Variants in THBS4 observed in about 807,000 individuals in gnomAD.
The protein encoded by THBS4 is thrombospondin 4, also known as thrombospondin-4.
A neutral mutation model predicts 115.7 loss-of-function variants in THBS4; 90 were observed. The observed-to-expected ratio is 0.78, with a 90% CI of 0.66 to 0.93. THBS4 has a LOEUF of 0.93. Ranked by LOEUF, THBS4 falls within the 40% of genes least tolerant of loss-of-function variation. The probability of loss-of-function intolerance (pLI) is 0.00; values close to 1 mark genes in which losing one functional copy is unlikely to be tolerated. For synonymous variants in THBS4, 460 were observed against 479.3 expected, an observed-to-expected ratio of 0.96 and a Z score of 0.53; for missense variants, 1,087 against 1,232.7, an observed-to-expected ratio of 0.88 and a Z score of 1.77.
At position 80,059,491 on chromosome 5, in the gene THBS4, G is replaced by A. The variant is rs762503087; in HGVS notation, c.784G>A (p.Gly262Ser). 30 of 1,613,874 alleles carry A rather than the reference G, an allele frequency of 1.9e-5. No individual in the cohort carries two copies. Among genetic ancestry groups the A allele is most frequent in the East Asian group, 6.7e-5 (3 of 44,880 alleles). ...RNTIAECQAC[G>S]PLKFQSPTPS... is the part of the protein sequence containing the mutation. ...CACCATAGCTGAATGCCAGGCTTGC[G>A]GTAAGTGCTTTTCTAGTAATGGGCT... Residue 262 changes from glycine (G) to serine (S), a missense_variant and splice_region_variant, in exon 6 of 22, where the codon GGT becomes AGT. By Grantham distance (56) the Gly-to-Ser change is moderately conservative. Coordinates refer to ENST00000350881, the MANE Select transcript of THBS4 (RefSeq NM_003248.6).
chr5:80,041,753 A>G (rs1326773698), intron 2 of THBS4, among the ~76,000 whole-genome samples: 2 of 152,150 alleles, frequency 1.3e-5, no homozygotes, highest in Non-Finnish European at 2.9e-5. Flanking sequence ...CCTGTTTATT[A>G]AGGAATGTGA....
At position 80,072,344 on chromosome 5, in the gene THBS4, ATGGTGT is replaced by A; in HGVS notation, c.1788_1793del (p.Asp596_Val598delinsGlu). On this transcript the variant is annotated inframe_deletion, in exon 14 of 22. Transcript: ENST00000350881. ...CGTGACCAACGGGACAAGGATGGTG[ATGGTGT>A]GGGGGATGCCTGTGACAGTTGTCCT... is the stretch of plus-strand genomic sequence containing the variant. The A allele has an allele frequency of 6.2e-7, 1 of 1,614,190 alleles. No homozygotes were observed. Among genetic ancestry groups the A allele is most frequent in the South Asian group, 1.1e-5 (1 of 91,080 alleles).
At chr5:80,014,193 AAG>A (rs1400845410) in intron 2 of THBS4, among the ~76,000 whole-genome samples, 7 of 152,354 alleles carry the variant, frequency 4.6e-5, no homozygotes, top group Non-Finnish European at 8.8e-5. Context: ...CTAACCAGGA[AAG>A]AGATAACGTC....
At position 80,068,014 on chromosome 5, in the gene THBS4, T is replaced by G. The variant is rs1833896234; in HGVS notation, c.1236T>G (p.Gly412=). The change falls in exon 10 of 22, where the codon GGT becomes GGG. Residue 412 remains glycine, a synonymous_variant. Coordinates refer to ENST00000350881, the MANE Select transcript of THBS4 (RefSeq NM_003248.6). ...GGCCTTGTAAGCCGGGGTATACTGG[T>G]GATCAGATAAGGGGATGCAAAGCGG... ...RCGPCKPGYT[G]DQIRGCKAER... is the part of the protein sequence containing the mutation. 6.2e-7 allele frequency: 1 copy of G among 1,614,110 alleles called. No homozygotes were observed. Among genetic ancestry groups the G allele is most frequent in the East Asian group, 2.2e-5 (1 of 44,876 alleles).
chr5:80,074,627 T>C (rs1193677418), intron 15 of THBS4, among the ~76,000 whole-genome samples: 4 of 104,842 alleles, frequency 3.8e-5, no homozygotes, highest in Non-Finnish European at 5.8e-5. Flanking sequence ...TCTCTCTCTC[T>C]TTTTTTTTTT....
chr5:80,012,834 G>A (rs1264192706), intron 2 of THBS4, among the ~76,000 whole-genome samples: 1 of 152,186 alleles, frequency 6.6e-6, no homozygotes, highest in Non-Finnish European at 1.5e-5. Flanking sequence ...TTAAGTAGTG[G>A]CATTCTATCT....
chr5:80,067,813 A>T (rs1233981237), intron 9 of THBS4, 160 bp from the exon 10 acceptor site: 6 of 741,662 alleles, frequency 8.1e-6, no homozygotes, highest in Non-Finnish European at 1.3e-5. Flanking sequence ...ATCAACATTC[A>T]CATGATCTTA....
chr5:80,076,828 C>T, intron 15 of THBS4, 27 bp from the exon 16 acceptor site: 1 of 1,516,560 alleles, frequency 6.6e-7, no homozygotes, highest in Non-Finnish European at 8.9e-7. Context: ...GAACTGTGAG[C>T]CACATCACCT....
chr5:80,042,972 C>G (rs1450168897), intron 2 of THBS4, among the ~76,000 whole-genome samples: 2 of 146,880 alleles, frequency 1.4e-5, no homozygotes, highest in Admixed American at 6.8e-5. Flanking sequence ...GACTCTGTCT[C>G]AAAAGAAAAA....
At chr5:80,036,416 A>G (rs1470054387) in intron 1 of THBS4, among the ~76,000 whole-genome samples, 1 of 152,174 alleles carries the variant, frequency 6.6e-6, no homozygotes, top group Non-Finnish European at 1.5e-5. Context: ...ATTGGGTACT[A>G]CGTTCACTGG....
At chr5:80,032,738 C>G (rs2112008325), upstream of THBS4, among the ~76,000 whole-genome samples, 1 of 152,316 alleles carries the variant, frequency 6.6e-6, no homozygotes, top group Non-Finnish European at 1.5e-5. Flanking sequence ...TCCGTCTTCT[C>G]CTGCCTGCTT....
intron 5 of THBS4, 87 bp from the exon 6 acceptor site, chr5:80,059,353 C>T: frequency 1.7e-6 from 2 of 1,144,822 alleles, no homozygotes; most frequent in Non-Finnish European, 2.5e-6. Context: ...AAAAGTGTTA[C>T]ATAGATAGCT....
intron 8 of THBS4, among the ~76,000 whole-genome samples, chr5:80,062,710 G>A (rs567214176): frequency 3.9e-4 from 59 of 152,166 alleles, no homozygotes; most frequent in Admixed American, 9.8e-4. Flanking sequence ...ACAGGCCCTG[G>A]TGTGTGACAT....
chr5:80,024,366 T>G (rs1288120115), intron 2 of THBS4, among the ~76,000 whole-genome samples: 2 of 152,196 alleles, frequency 1.3e-5, no homozygotes, highest in African/African-American at 4.8e-5. Context: ...GGGAATCAGT[T>G]TCAGGTCCCT....
At chr5:80,000,955 A>G (rs1357889958) in intron 2 of THBS4, among the ~76,000 whole-genome samples, 3 of 152,086 alleles carry the variant, frequency 2.0e-5, no homozygotes, top group Non-Finnish European at 4.4e-5. Context: ...TGTCTTCATT[A>G]TATATTTGGA....
chr5:80,082,345 C>G lies in THBS4; in HGVS notation c.2685-61C>G, dbSNP rs1364723807. Reference sequence around the variant, plus strand: ...TAAGAAGTGGGGCCCCTGGGCCTCACAGTGGGCACTTTACCCCGGGTTGGA... The same window carrying G: ...TAAGAAGTGGGGCCCCTGGGCCTCAGAGTGGGCACTTTACCCCGGGTTGGA... On this transcript the variant is annotated intron_variant, in intron 20 of 21. Coordinates refer to ENST00000350881, the MANE Select transcript of THBS4 (RefSeq NM_003248.6). 1.9e-6 allele frequency: 3 copies of G among 1,600,556 alleles called. No individual in the cohort carries two copies. The African/African-American group carries it at 4.0e-5, about 22-fold the overall frequency.
At position 80,055,975 on chromosome 5, in the gene THBS4, T is replaced by A. The variant is rs1439987626; in HGVS notation, c.483T>A (p.Ala161=). ...TTCACAATCTCCCCAGGGCCTTTGC[T>A]GGCCCCTCCCAGAAACCTGAGACCA... ...DSVHNLPRAF[A]GPSQKPETIE... The change falls in exon 3 of 22, where the codon GCT becomes GCA. Residue 161 remains alanine, a synonymous_variant. Coordinates refer to ENST00000350881, the MANE Select transcript of THBS4 (RefSeq NM_003248.6). 2 of 1,613,754 alleles carry A rather than the reference T, an allele frequency of 1.2e-6. No individual in the cohort carries two copies. Among genetic ancestry groups the A allele is most frequent in the African/African-American group, 2.7e-5 (2 of 74,914 alleles).
intron 1 of THBS4, among the ~76,000 whole-genome samples, chr5:80,039,600 C>G (rs1441144079): frequency 1.3e-5 from 2 of 152,206 alleles, no homozygotes; most frequent in East Asian, 3.8e-4. Flanking sequence ...GCCATGTTTT[C>G]TGCTGCATTT....
At chr5:80,009,728 G>A (rs1363919508) in intron 2 of THBS4, among the ~76,000 whole-genome samples, 1 of 151,706 alleles carries the variant, frequency 6.6e-6, no homozygotes, top group African/African-American at 2.4e-5. Context: ...TTTATTAATT[G>A]ACATCTACAA....
Sources: gnomAD v4.1 joint callset for allele counts (sites outside exome capture counted in the v4.1 genomes callset) on GRCh38, gnomAD v4.1.1 for gene constraint, MANE v1.5 for transcripts, NCBI Gene and HGNC (gene_info 2026-07-23, HGNC 2026-07-21) for gene names.